Variants in RUNX1 observed in about 807,000 individuals in gnomAD.
The protein encoded by RUNX1 is RUNX family transcription factor 1, also known as runt-related transcription factor 1.
In RUNX1, 19 loss-of-function variants were observed where a neutral mutation model predicts 42.8. That is an observed-to-expected ratio of 0.44 (90% CI 0.31 to 0.65). RUNX1 has a LOEUF of 0.65. Among genes scored for constraint, RUNX1 ranks in the 30% least tolerant of loss-of-function variants. RUNX1 has a pLI of 0.07. For synonymous variants in RUNX1, 271 were observed against 289.4 expected, an observed-to-expected ratio of 0.94 and a Z score of 0.64; for missense variants, 528 against 672.0, an observed-to-expected ratio of 0.79 and a Z score of 2.37.
chr21:34,804,944 G>A (rs551497619), intron 7 of RUNX1, among the ~76,000 whole-genome samples: 1 of 151,780 alleles, frequency 6.6e-6, no homozygotes, highest in Non-Finnish European at 1.5e-5. Flanking sequence ...GTAGAGACAG[G>A]GTTTCACCAT....
chr21:34,957,013 G>T (rs1364924257), intron 2 of RUNX1, among the ~76,000 whole-genome samples: 1 of 152,196 alleles, frequency 6.6e-6, no homozygotes, highest in East Asian at 1.9e-4. Context: ...CCTAGGACAG[G>T]CACCCACATT....
chr21:35,032,565 C>T (rs1038105671), intron 2 of RUNX1, among the ~76,000 whole-genome samples: 1 of 152,210 alleles, frequency 6.6e-6, no homozygotes, highest in Non-Finnish European at 1.5e-5. Flanking sequence ...GTTTTCTACA[C>T]AGGTATTCAA....
intron 4 of RUNX1, 42 bp from the exon 5 acceptor site, chr21:34,880,755 T>TATAC (rs770888826): frequency 3.1e-6 from 5 of 1,601,368 alleles, no homozygotes; most frequent in Non-Finnish European, 4.3e-6. Context: ...TCAGGGATGT[T>TATAC]ATACATACAC....
At chr21:34,972,570 A>G (rs915064917) in intron 2 of RUNX1, among the ~76,000 whole-genome samples, 1 of 152,214 alleles carries the variant, frequency 6.6e-6, no homozygotes, top group African/African-American at 2.4e-5. Flanking sequence ...ATCACTAAAG[A>G]CATTTGCTAT....
At chr21:34,951,047 T>C (rs887533354) in intron 2 of RUNX1, among the ~76,000 whole-genome samples, 3 of 152,262 alleles carry the variant, frequency 2.0e-5, no homozygotes, top group Non-Finnish European at 4.4e-5. Flanking sequence ...AATTTGTCAA[T>C]AGCCTCTGGA....
chr21:34,994,654 C>CG lies in RUNX1; in HGVS notation c.58+54187_58+54188insC, dbSNP rs1221033212. Among the ~76,000 whole-genome samples the CG allele has an allele frequency of 4.6e-3, 692 of 152,086 alleles. 7 individuals are homozygous for CG. The highest frequency in any genetic ancestry group is 0.016 in the African/African-American group (653 of 41,502). On this transcript the variant is annotated intron_variant, in intron 2 of 8. Coordinates refer to ENST00000675419, the MANE Select transcript of RUNX1 (RefSeq NM_001754.5). The stretch of plus-strand genomic sequence containing the variant: ...GCCTAGGTACCTACATTTACGGGTA[C>CG]TACGTACCCGTAAAAATTGAAAATT...
At position 34,892,921 on chromosome 21, in the gene RUNX1, A is replaced by C. The variant is rs754042987; in HGVS notation, c.97+4T>G. Reference sequence around the variant, plus strand: ...TTAAAAATATAACTTGGAATTTAACATACCGTGGACGTCTCTAGAAGGATT... The same window carrying C: ...TTAAAAATATAACTTGGAATTTAACCTACCGTGGACGTCTCTAGAAGGATT... On this transcript the variant is annotated splice_donor_region_variant and intron_variant, in intron 3 of 8. Coordinates refer to ENST00000675419, the MANE Select transcript of RUNX1 (RefSeq NM_001754.5). The C allele has an allele frequency of 4.2e-5, 65 of 1,540,720 alleles. No individual in the cohort carries two copies. Among genetic ancestry groups the C allele is most frequent in the Non-Finnish European group, 5.7e-5 (63 of 1,114,728 alleles).
At chr21:34,934,995 T>A (rs1221994253) in intron 2 of RUNX1, among the ~76,000 whole-genome samples, 1 of 152,236 alleles carries the variant, frequency 6.6e-6, no homozygotes, top group East Asian at 1.9e-4. Context: ...TATTTTTTCA[T>A]GTTTTTGATT....
At chr21:34,984,466 G>A (rs1336151422) in intron 2 of RUNX1, among the ~76,000 whole-genome samples, 1 of 152,172 alleles carries the variant, frequency 6.6e-6, no homozygotes, top group Admixed American at 6.5e-5. Context: ...TTATCTGTGG[G>A]GGAGGCCACT....
intron 7 of RUNX1, among the ~76,000 whole-genome samples, chr21:34,825,757 A>C (rs938610231): frequency 6.6e-6 from 1 of 152,192 alleles, no homozygotes; most frequent in Non-Finnish European, 1.5e-5. Flanking sequence ...AGGGCCTTTG[A>C]AGCTATAATT....
intron 4 of RUNX1, among the ~76,000 whole-genome samples, chr21:34,885,506 C>A (rs2057970230): frequency 6.6e-6 from 1 of 152,176 alleles, no homozygotes; most frequent in South Asian, 2.1e-4. Context: ...ACAAAAAAAA[C>A]TGCTTTTAGA....
At chr21:35,019,690 C>A (rs2059184429) in intron 2 of RUNX1, among the ~76,000 whole-genome samples, 1 of 152,134 alleles carries the variant, frequency 6.6e-6, no homozygotes, top group African/African-American at 2.4e-5. Flanking sequence ...AAGACCTATG[C>A]AAACAACCTT....
chr21:34,842,045 T>C (rs1246966266), intron 6 of RUNX1, among the ~76,000 whole-genome samples: 2 of 152,222 alleles, frequency 1.3e-5, no homozygotes, highest in East Asian at 3.8e-4. Context: ...TCATGATTGG[T>C]GCTGTCCAAT....
intron 2 of RUNX1, among the ~76,000 whole-genome samples, chr21:35,040,007 G>A (rs530296613): frequency 3.9e-4 from 60 of 152,300 alleles, no homozygotes; most frequent in African/African-American, 1.4e-3. Context: ...GCTGGGATAA[G>A]AGAGAACACT....
chr21:34,999,855 T>G (rs989035117), intron 2 of RUNX1, among the ~76,000 whole-genome samples: 7 of 152,240 alleles, frequency 4.6e-5, no homozygotes, highest in Non-Finnish European at 7.3e-5. Context: ...AACTCGCCAC[T>G]GGTATCATTC....
At chr21:34,879,953 C>T (rs1450973437) in intron 5 of RUNX1, among the ~76,000 whole-genome samples, 1 of 152,086 alleles carries the variant, frequency 6.6e-6, no homozygotes, top group Non-Finnish European at 1.5e-5. Context: ...AAAATGCTAA[C>T]CAGGCCCAAC....
chr21:34,889,602 T>C, intron 3 of RUNX1: 1 of 998,858 alleles, frequency 1.0e-6, no homozygotes, highest in Non-Finnish European at 1.2e-6. Flanking sequence ...GCGTCTCCCC[T>C]CCGGCTCCCC....
At chr21:34,881,921 C>T (rs1423794839) in intron 4 of RUNX1, among the ~76,000 whole-genome samples, 4 of 152,098 alleles carry the variant, frequency 2.6e-5, no homozygotes, top group Non-Finnish European at 5.9e-5. Flanking sequence ...AATCGAAATG[C>T]CCCAAGCTGT....
rs571915540 is a variant in RUNX1 at position 34,973,368 on chromosome 21, C to T, written c.58+75474G>A. On this transcript the variant is annotated intron_variant, in intron 2 of 8. Transcript: ENST00000675419. ...ACGAGGGAAGCTCAAATCCCTGCAA[C>T]GTACTGGCTTCCTGACCTGGATTGG... is the stretch of plus-strand genomic sequence containing the variant. 1.6e-4 allele frequency among the ~76,000 whole-genome samples: 25 copies of T among 152,316 alleles called. No homozygotes were observed. The South Asian group carries it at 3.7e-3, about 23-fold the overall frequency.
Sources: allele counts gnomAD v4.1 joint callset (sites outside exome capture counted in the v4.1 genomes callset), GRCh38; gene constraint gnomAD v4.1.1; transcripts MANE v1.5; gene names NCBI Gene and HGNC (gene_info 2026-07-23, HGNC 2026-07-21).